HORMAD2: variants seen among roughly 807,000 people sequenced by gnomAD.
HORMAD2 encodes HORMA domain-containing protein 2.
Under a neutral mutation model 38.8 loss-of-function variants are expected in HORMAD2, and 45 were observed. That is an observed-to-expected ratio of 1.16 (90% CI 0.91 to 1.49). The LOEUF (loss-of-function observed/expected upper bound fraction) is 1.49. Among genes scored for constraint, HORMAD2 ranks in the 40% most tolerant of loss-of-function variants. HORMAD2 has a pLI of 0.00. For synonymous variants in HORMAD2, 126 were observed against 122.8 expected (o/e 1.03, Z -0.17); for missense variants, 338 against 367.0 (o/e 0.92, Z 0.65).
intron 4 of HORMAD2, among the ~76,000 whole-genome samples, chr22:30,103,881 C>T (rs372352168): frequency 1.3e-5 from 2 of 151,344 alleles, no homozygotes; most frequent in Admixed American, 6.6e-5. Context: ...AGGATGGTCT[C>T]GATCTCTTGA....
chr22:30,146,654 C>T (rs1924439188), intron 10 of HORMAD2, among the ~76,000 whole-genome samples: 1 of 152,122 alleles, frequency 6.6e-6, no homozygotes, highest in Non-Finnish European at 1.5e-5. Flanking sequence ...GAATAAGACT[C>T]TTACCACTTA....
chr22:30,108,892 T>TG (rs1921409896), intron 5 of HORMAD2, among the ~76,000 whole-genome samples: 1 of 152,078 alleles, frequency 6.6e-6, no homozygotes, highest in Non-Finnish European at 1.5e-5. Context: ...AAATTTTTTT[T>TG]CTTTTCTCTT....
At chr22:30,103,056 G>C (rs1486661458) in intron 3 of HORMAD2, among the ~76,000 whole-genome samples, 1 of 152,148 alleles carries the variant, frequency 6.6e-6, no homozygotes, top group Non-Finnish European at 1.5e-5. Context: ...ATGAGAGGGA[G>C]AGAAATAACA....
chr22:30,136,138 A>C (rs2146166711), intron 10 of HORMAD2, among the ~76,000 whole-genome samples: 1 of 152,364 alleles, frequency 6.6e-6, no homozygotes, highest in Non-Finnish European at 1.5e-5. Flanking sequence ...GGTGTTTCTT[A>C]ATTAGGGAAT....
chr22:30,158,778 G>C (rs1196781466), intron 10 of HORMAD2, among the ~76,000 whole-genome samples: 2 of 151,274 alleles, frequency 1.3e-5, no homozygotes, highest in African/African-American at 4.9e-5. Flanking sequence ...TTGACTTCCT[G>C]GGCTCCCGCG....
chr22:30,136,842 T>TG lies in HORMAD2; in HGVS notation c.819+14630dup. ...TTTTACTTTCCTAATGAAGACACCATGGAGAGGATAAACAGATAGGCAAGC... is the reference window on the plus strand; with the variant it reads ...TTTTACTTTCCTAATGAAGACACCATGGGAGAGGATAAACAGATAGGCAAGC... On this transcript the variant is annotated intron_variant, in intron 10 of 10. Coordinates refer to ENST00000336726, the MANE Select transcript of HORMAD2 (RefSeq NM_152510.4). 3 of 312,014 alleles carry TG rather than the reference T, an allele frequency of 9.6e-6. 1 individual carries two copies. Among genetic ancestry groups the TG allele is most frequent in the South Asian group, 9.8e-5 (2 of 20,360 alleles). The allele number at this position is 312,014 out of a possible 1,614,324, so 19.3% of individuals were successfully genotyped here.
At chr22:30,092,562 A>G (rs541556789) in intron 1 of HORMAD2, among the ~76,000 whole-genome samples, 1 of 152,208 alleles carries the variant, frequency 6.6e-6, no homozygotes, top group East Asian at 1.9e-4. Flanking sequence ...TTGAAGTCTT[A>G]CCCATAAAAT....
At chr22:30,179,094 G>A (rs984513346), downstream of HORMAD2, among the ~76,000 whole-genome samples, 1 of 152,080 alleles carries the variant, frequency 6.6e-6, no homozygotes, top group South Asian at 2.1e-4. Flanking sequence ...CTAACCATTA[G>A]AGCCAACTTT....
At chr22:30,165,025 T>A (rs1301419811) in intron 10 of HORMAD2, among the ~76,000 whole-genome samples, 1 of 152,222 alleles carries the variant, frequency 6.6e-6, no homozygotes. Flanking sequence ...TTAATTCCAA[T>A]GTTATGATGA....
the HORMAD2 span, among the ~76,000 whole-genome samples, chr22:30,199,247 C>G: frequency 6.6e-6 from 1 of 152,216 alleles, no homozygotes; most frequent in Non-Finnish European, 1.5e-5. Flanking sequence ...TAGATATGCA[C>G]AAGCATGCTA....
At chr22:30,167,054 C>T (rs1294589087) in intron 10 of HORMAD2, among the ~76,000 whole-genome samples, 1 of 152,180 alleles carries the variant, frequency 6.6e-6, no homozygotes, top group Non-Finnish European at 1.5e-5. Flanking sequence ...GGTCTGAAAT[C>T]AAGATGTCAG....
chr22:30,081,738 G>C (rs1292339217), intron 1 of HORMAD2, among the ~76,000 whole-genome samples: 1 of 151,964 alleles, frequency 6.6e-6, no homozygotes, highest in East Asian at 1.9e-4. Flanking sequence ...ACCACGCCCA[G>C]CTAAATTTTT....
At chr22:30,186,548 G>A in the HORMAD2 span, among the ~76,000 whole-genome samples, 1 of 151,932 alleles carries the variant, frequency 6.6e-6, no homozygotes, top group Admixed American at 6.6e-5. Flanking sequence ...GTTTGCTTTT[G>A]TGTGAAGACC....
chr22:30,146,121 G>T (rs1924397819), intron 10 of HORMAD2, among the ~76,000 whole-genome samples: 1 of 152,324 alleles, frequency 6.6e-6, no homozygotes, highest in Non-Finnish European at 1.5e-5. Flanking sequence ...GAATGAAGGA[G>T]AAGAACCACA....
At chr22:30,169,687 A>G (rs1487995197) in intron 10 of HORMAD2, among the ~76,000 whole-genome samples, 4 of 152,192 alleles carry the variant, frequency 2.6e-5, no homozygotes, top group African/African-American at 9.6e-5. Flanking sequence ...GAACATCTTC[A>G]TTTGGATATC....
At chr22:30,157,121 C>G (rs1449535197) in intron 10 of HORMAD2, among the ~76,000 whole-genome samples, 6 of 152,204 alleles carry the variant, frequency 3.9e-5, no homozygotes, top group South Asian at 4.1e-4. Context: ...AGTCAGCACT[C>G]TCCATCTGTA....
chr22:30,165,046 G>A (rs1925694537), intron 10 of HORMAD2, among the ~76,000 whole-genome samples: 2 of 151,982 alleles, frequency 1.3e-5, no homozygotes, highest in Non-Finnish European at 2.9e-5. Context: ...TTTTCCCTAT[G>A]TTTTCTTGTT....
At chr22:30,094,055 A>T in intron 2 of HORMAD2, 52 bp downstream of exon 2, 1 of 1,259,788 alleles carries the variant, frequency 7.9e-7, no homozygotes, top group Non-Finnish European at 1.1e-6. Flanking sequence ...GAGTTAGTTC[A>T]GAATTATGAT....
chr22:30,140,398 G>A (rs1923995090), intron 10 of HORMAD2, among the ~76,000 whole-genome samples: 1 of 152,232 alleles, frequency 6.6e-6, no homozygotes, highest in African/African-American at 2.4e-5. Context: ...GTTTAGTGGT[G>A]AAGCTATCTG....
Sources: gnomAD v4.1 joint callset for allele counts (sites outside exome capture counted in the v4.1 genomes callset) on GRCh38, gnomAD v4.1.1 for gene constraint, MANE v1.5 for transcripts, NCBI Gene and HGNC (gene_info 2026-07-23, HGNC 2026-07-21) for gene names.